SYT12: variants seen among roughly 807,000 people sequenced by gnomAD.
SYT12 encodes the protein synaptotagmin 12, also known as synaptotagmin-12.
SYT12 carries 27 observed loss-of-function variants against 39.5 expected under a neutral mutation model. That is an observed-to-expected ratio of 0.68 (90% CI 0.50 to 0.94). SYT12 has a LOEUF of 0.94. Ranked by LOEUF, SYT12 falls within the 40% of genes least tolerant of loss-of-function variation. The pLI is 0.00. For missense variants in SYT12, 536 were observed against 572.6 expected (o/e 0.94, Z 0.65); for synonymous variants, 233 against 239.7 (o/e 0.97, Z 0.26).
chr11:67,040,140 C>G lies in SYT12; in HGVS notation c.558C>G (p.Ser186Arg), dbSNP rs1175053919. 2 of 1,609,662 alleles carry G rather than the reference C, an allele frequency of 1.2e-6. No individual in the cohort carries two copies. The highest frequency in any genetic ancestry group is 3.3e-5 in the Admixed American group (2 of 59,862). ...ACCTCCTGGAGCGGGAGGAGGCCAG[C>G]TTCGAGTCCTGCTTCATGCGCGTCA... ...GKDLLEREEA[S>R]FESCFMRVSL... The change falls in exon 4 of 8, where the codon AGC (serine) becomes AGG (arginine). Residue 186 changes from serine to arginine, a missense_variant. Coordinates refer to ENST00000527043, the MANE Select transcript of SYT12 (RefSeq NM_177963.4).
chr11:67,018,269 A>C (rs1222487221), upstream of SYT12, among the ~76,000 whole-genome samples: 4 of 152,190 alleles, frequency 2.6e-5, no homozygotes, highest in African/African-American at 9.6e-5. Flanking sequence ...GTCTCAAAAA[A>C]AAAAATTTTT....
In SYT12 at chr11:67,023,162, A is replaced by T. The variant is rs1950131698; in HGVS notation, c.-322A>T. Among the ~76,000 whole-genome samples the T allele has an allele frequency of 6.6e-6, 1 of 152,148 alleles. No homozygotes were observed. The highest frequency in any genetic ancestry group is 1.5e-5 in the Non-Finnish European group (1 of 67,994). On this transcript the variant is annotated 5_prime_UTR_variant, in exon 1 of 8. Coordinates refer to ENST00000527043, the MANE Select transcript of SYT12 (RefSeq NM_177963.4). ...TCCGGCTCGGACCCCAGGAGCAGAG[A>T]CAGCGCTCGAGCTTGTCACTTTAAA...
At chr11:67,046,447 C>T (rs911624831) in intron 7 of SYT12, among the ~76,000 whole-genome samples, 1 of 152,184 alleles carries the variant, frequency 6.6e-6, no homozygotes, top group Non-Finnish European at 1.5e-5. Flanking sequence ...TAGCCCTCCT[C>T]GGCACTCCTG....
In SYT12 at chr11:67,044,653, C is replaced by T. The variant is rs773814905; in HGVS notation, c.898C>T (p.Leu300Phe). The T allele has an allele frequency of 5.0e-6, 8 of 1,613,536 alleles. No homozygotes were observed. Among genetic ancestry groups the T allele is most frequent in the Non-Finnish European group, 5.9e-6 (7 of 1,180,014 alleles). ...CAGCTACCTCCCCACAGCCGAGCGCCTCACCGTGGTCGTGGTTAAGGCCAA... is the reference window on the plus strand; with the variant it reads ...CAGCTACCTCCCCACAGCCGAGCGCTTCACCGTGGTCGTGGTTAAGGCCAA... Reference protein sequence around the residue: ...SLSYLPTAERLTVVVVKAKNL... With the variant: ...SLSYLPTAERFTVVVVKAKNL... Residue 300 changes from leucine (L) to phenylalanine (F), a missense_variant, in exon 6 of 8, where the codon CTC becomes TTC. Physicochemically the swap from Leu to Phe is conservative, Grantham distance 22. Transcript: ENST00000527043.
chr11:67,017,331 G>A (rs982382405), intron 3 of SYT12, among the ~76,000 whole-genome samples: 2 of 151,848 alleles, frequency 1.3e-5, no homozygotes, highest in Admixed American at 6.6e-5. Context: ...AGACCAGCCC[G>A]GGTAACATAG....
rs147661470 is a variant in SYT12 at position 67,039,846 on chromosome 11, G to T, written c.264G>T (p.Thr88=). Residue 88 remains threonine, a synonymous_variant, in exon 4 of 8, where the codon ACG becomes ACT. Coordinates refer to ENST00000527043, the MANE Select transcript of SYT12 (RefSeq NM_177963.4). The stretch of plus-strand genomic sequence containing the variant: ...CCTGGAATGCCCAGCGGGCCAGCAC[G>T]CGGGGACCACCCAGCCGCAAAGGCA... ...VPAWNAQRAS[T]RGPPSRKGSL... The T allele has an allele frequency of 6.2e-7, 1 of 1,612,666 alleles. No individual in the cohort carries two copies. Among genetic ancestry groups the T allele is most frequent in the East Asian group, 2.2e-5 (1 of 44,874 alleles).
At chr11:67,036,081 A>G (rs547403311) in intron 3 of SYT12, among the ~76,000 whole-genome samples, 2 of 147,556 alleles carry the variant, frequency 1.4e-5, no homozygotes, top group African/African-American at 5.0e-5. Flanking sequence ...TGCCTAGCTA[A>G]TTTTTTTTTT....
upstream of SYT12, among the ~76,000 whole-genome samples, chr11:67,020,320 A>G (rs1950096476): frequency 1.3e-5 from 2 of 152,190 alleles, no homozygotes; most frequent in Admixed American, 6.5e-5. Flanking sequence ...GCAGGAGCTC[A>G]GCAGGTGACA....
intron 1 of SYT12, chr11:67,026,884 G>C (rs1208685110): frequency 6.6e-6 from 1 of 152,244 alleles, no homozygotes; most frequent in African/African-American, 2.4e-5. Context: ...TAGGGGTTAG[G>C]GGGTCTGTAT....
At chr11:67,034,541 G>A in intron 2 of SYT12, 104 bp from the exon 3 acceptor site, 1 of 977,346 alleles carries the variant, frequency 1.0e-6, no homozygotes, top group South Asian at 1.7e-5. Flanking sequence ...GCACATAGTA[G>A]GCATTCAATA....
chr11:67,015,307 C>T (rs1205699128), intron 3 of SYT12, among the ~76,000 whole-genome samples: 1 of 152,264 alleles, frequency 6.6e-6, no homozygotes, highest in African/African-American at 2.4e-5. Flanking sequence ...GAGCAAGTCC[C>T]TGCCACCCCT....
intron 3 of SYT12, among the ~76,000 whole-genome samples, chr11:67,011,639 C>T (rs956009484): frequency 6.6e-6 from 1 of 152,164 alleles, no homozygotes; most frequent in Non-Finnish European, 1.5e-5. Context: ...GCTATGAAAA[C>T]GCTTCCACAG....
intron 3 of SYT12, among the ~76,000 whole-genome samples, chr11:67,036,905 C>G (rs749352127): frequency 2.2e-4 from 33 of 152,284 alleles, no homozygotes; most frequent in African/African-American, 7.2e-4. Flanking sequence ...GAAACCTGGT[C>G]TCTACTAAAA....
intron 7 of SYT12, among the ~76,000 whole-genome samples, chr11:67,046,833 C>T (rs906719885): frequency 8.5e-5 from 13 of 152,226 alleles, no homozygotes; most frequent in African/African-American, 1.9e-4. Flanking sequence ...CAGTCTCTCC[C>T]GTCCTCGGTT....
chr11:67,045,729 T>C lies in SYT12; in HGVS notation c.959-15T>C, dbSNP rs377511483. ...TGAGTGTGACACTGGCCCTCACCTG[T>C]CCGCCTGCCCACAGACCCCTTCGTC... On this transcript the variant is annotated splice_polypyrimidine_tract_variant and intron_variant, in intron 6 of 7. Coordinates refer to ENST00000527043, the MANE Select transcript of SYT12 (RefSeq NM_177963.4). The C allele has an allele frequency of 1.2e-6, 2 of 1,612,462 alleles. No individual in the cohort carries two copies. Among genetic ancestry groups the C allele is most frequent in the African/African-American group, 1.3e-5 (1 of 74,872 alleles).
chr11:67,036,621 T>C (rs764063160), intron 3 of SYT12, among the ~76,000 whole-genome samples: 2 of 152,078 alleles, frequency 1.3e-5, no homozygotes, highest in Non-Finnish European at 2.9e-5. Flanking sequence ...TCACACGCTG[T>C]TGGGGGAATG....
chr11:67,035,727 G>A (rs1416925147), intron 3 of SYT12, among the ~76,000 whole-genome samples: 2 of 151,528 alleles, frequency 1.3e-5, no homozygotes. Flanking sequence ...AAAGTACTGG[G>A]ATTACAGACG....
chr11:67,020,180 G>T (rs1483371946), upstream of SYT12, among the ~76,000 whole-genome samples: 2 of 152,162 alleles, frequency 1.3e-5, no homozygotes, highest in Non-Finnish European at 2.9e-5. Context: ...TGTAGGATGT[G>T]ATGCACAGAA....
intron 7 of SYT12, among the ~76,000 whole-genome samples, chr11:67,046,823 C>G (rs1360936570): frequency 6.6e-6 from 1 of 152,226 alleles, no homozygotes; most frequent in African/African-American, 2.4e-5. Context: ...TCATCTCAAG[C>G]AGTCTCTCCC....
Sources: allele counts gnomAD v4.1 joint callset (sites outside exome capture counted in the v4.1 genomes callset), GRCh38; gene constraint gnomAD v4.1.1; transcripts MANE v1.5; gene names NCBI Gene and HGNC (gene_info 2026-07-23, HGNC 2026-07-21).